TMEM232: variants seen among roughly 807,000 people sequenced by gnomAD.
The protein encoded by TMEM232 is transmembrane protein 232.
Under a neutral mutation model 78.8 loss-of-function variants are expected in TMEM232, and 80 were observed. The ratio of observed to expected loss-of-function variants is 1.01; its 90% CI spans 0.85 to 1.22. TMEM232 has a LOEUF of 1.22. Ranked by LOEUF, TMEM232 falls within the 50% of genes most tolerant of loss-of-function variation. TMEM232 has a pLI of 0.00. For missense variants in TMEM232, 881 were observed against 742.2 expected (o/e 1.19, Z -2.17); for synonymous variants, 297 against 254.3 (o/e 1.17, Z -1.60).
chr5:110,572,973 T>G (rs1777137458), intron 10 of TMEM232, among the ~76,000 whole-genome samples: 1 of 152,076 alleles, frequency 6.6e-6, no homozygotes, highest in Non-Finnish European at 1.5e-5. Flanking sequence ...TGTTCTGCTT[T>G]GCGTGACCCT....
chr5:110,528,235 T>C (rs901285573), intron 12 of TMEM232, among the ~76,000 whole-genome samples: 3 of 151,960 alleles, frequency 2.0e-5, no homozygotes, highest in African/African-American at 4.8e-5. Context: ...AACTTAGATA[T>C]GTAAAATACA....
chr5:110,478,020 A>C (rs957899875), intron 12 of TMEM232, among the ~76,000 whole-genome samples: 1 of 151,926 alleles, frequency 6.6e-6, no homozygotes. Flanking sequence ...TATAGTGGAA[A>C]GGCATTCATT....
chr5:110,556,501 C>T (rs935843733), intron 11 of TMEM232, among the ~76,000 whole-genome samples: 1 of 152,052 alleles, frequency 6.6e-6, no homozygotes, highest in Non-Finnish European at 1.5e-5. Flanking sequence ...AATCCTCCCA[C>T]CATAGCCTCC....
At chr5:110,589,718 T>C (rs1039917079) in intron 10 of TMEM232, among the ~76,000 whole-genome samples, 1 of 152,182 alleles carries the variant, frequency 6.6e-6, no homozygotes, top group African/African-American at 2.4e-5. Flanking sequence ...AAATGATGCA[T>C]GTCAAGTGCC....
At position 110,404,448 on chromosome 5, in the gene TMEM232, T is replaced by A. The variant is rs138155662; in HGVS notation, n.309-6594A>T. Among the ~76,000 whole-genome samples, 584 of 152,232 alleles carry A rather than the reference T, an allele frequency of 3.8e-3. 4 individuals carry two copies. The highest frequency in any genetic ancestry group is 0.013 in the African/African-American group (535 of 41,554). ...TTTATCTTATGTCTATCTTGCTGTCTCCTTGGTTTTAAAAACTCTACTCTG... is the reference window on the plus strand; with the variant it reads ...TTTATCTTATGTCTATCTTGCTGTCACCTTGGTTTTAAAAACTCTACTCTG... On this transcript the variant is annotated intron_variant and non_coding_transcript_variant, in intron 2 of 8. Coordinates refer to the TMEM232 transcript ENST00000507188.
intron 5 of TMEM232, among the ~76,000 whole-genome samples, chr5:110,631,068 C>A (rs1437229344): frequency 6.6e-6 from 1 of 152,080 alleles, no homozygotes; most frequent in Admixed American, 6.5e-5. Flanking sequence ...AGATAGCCTG[C>A]ATATCTCCAT....
At chr5:110,612,605 C>T (rs1782448521) in intron 8 of TMEM232, among the ~76,000 whole-genome samples, 1 of 152,100 alleles carries the variant, frequency 6.6e-6, no homozygotes, top group Admixed American at 6.6e-5. Context: ...CAGTTAATTC[C>T]TTGTTTCATT....
At chr5:110,433,988 T>C (rs992242013) in intron 12 of TMEM232, among the ~76,000 whole-genome samples, 4 of 152,022 alleles carry the variant, frequency 2.6e-5, no homozygotes, top group African/African-American at 9.7e-5. Context: ...ATGATACTAG[T>C]ATTATAGAAT....
chr5:110,548,547 A>T (rs1423740958), intron 11 of TMEM232, among the ~76,000 whole-genome samples: 1 of 151,808 alleles, frequency 6.6e-6, no homozygotes, highest in Non-Finnish European at 1.5e-5. Flanking sequence ...GCGGGGTGGA[A>T]TGGTATAATT....
chr5:110,500,458 A>T (rs1482331933), intron 12 of TMEM232, among the ~76,000 whole-genome samples: 2 of 152,126 alleles, frequency 1.3e-5, no homozygotes, highest in Non-Finnish European at 2.9e-5. Flanking sequence ...TTCAATGACC[A>T]TGAGTCAAAT....
chr5:110,726,108 T>TCATA (rs1554087764), intron 1 of TMEM232, among the ~76,000 whole-genome samples: 3 of 144,550 alleles, frequency 2.1e-5, no homozygotes, highest in African/African-American at 7.7e-5. Context: ...CCTCTCTCTT[T>TCATA]CACACACACA....
intron 12 of TMEM232, among the ~76,000 whole-genome samples, chr5:110,485,737 A>G (rs980941479): frequency 6.6e-6 from 1 of 152,086 alleles, no homozygotes; most frequent in Non-Finnish European, 1.5e-5. Context: ...GTTGGTTCCA[A>G]AATTCCAATT....
chr5:110,547,145 A>G (rs773212872), intron 11 of TMEM232, among the ~76,000 whole-genome samples: 29 of 152,168 alleles, frequency 1.9e-4, no homozygotes, highest in Admixed American at 1.0e-3. Context: ...CTTTTTACCT[A>G]TAGAGCAAAG....
Position 110,528,923 on chromosome 5 carries a change from T to C in TMEM232, c.1456-88A>G. 2.7e-6 allele frequency: 3 copies of C among 1,121,982 alleles called. No homozygotes were observed. The South Asian group carries it at 1.2e-4, about 44-fold the overall frequency. The allele number at this position is 1,121,982 out of a possible 1,614,324, so 69.5% of individuals were successfully genotyped here. A position where few individuals can be genotyped will look rare whatever the true frequency, so the allele number is the denominator to read the frequency against. ...GTATTATTAAATTTTTTAAAGTATC[T>C]TTATTTTCTTTGACTAATATTGCAT... On this transcript the variant is annotated intron_variant, in intron 11 of 13. Coordinates refer to ENST00000455884, the MANE Select transcript of TMEM232 (RefSeq NM_001039763.4).
downstream of TMEM232, among the ~76,000 whole-genome samples, chr5:110,415,204 T>C (rs1196940396): frequency 1.3e-5 from 2 of 151,784 alleles, no homozygotes; most frequent in Admixed American, 6.6e-5. Flanking sequence ...TTTTTTTTTT[T>C]TGAGATGGAG....
At chr5:110,569,873 G>C (rs574562501) in intron 10 of TMEM232, among the ~76,000 whole-genome samples, 2 of 152,000 alleles carry the variant, frequency 1.3e-5, no homozygotes, top group South Asian at 4.1e-4. Context: ...CCTGGCATCA[G>C]ACAGCTGTTG....
At chr5:110,467,053 A>AAT (rs997063460) in intron 12 of TMEM232, among the ~76,000 whole-genome samples, 1 of 152,058 alleles carries the variant, frequency 6.6e-6, no homozygotes, top group African/African-American at 2.4e-5. Context: ...TATTTTATGA[A>AAT]ATATATATAT....
intron 1 of TMEM232, among the ~76,000 whole-genome samples, chr5:110,681,256 G>T (rs759702244): frequency 1.6e-4 from 24 of 152,150 alleles, no homozygotes; most frequent in Non-Finnish European, 3.2e-4. Flanking sequence ...AGTGATGCCT[G>T]CAAGGATTAA....
intron 10 of TMEM232, among the ~76,000 whole-genome samples, chr5:110,577,811 G>A (rs1448829407): frequency 6.6e-6 from 1 of 152,008 alleles, no homozygotes; most frequent in Non-Finnish European, 1.5e-5. Context: ...ATAAGTGGGA[G>A]CTAAATGATG....
Sources: gnomAD v4.1 joint callset for allele counts (sites outside exome capture counted in the v4.1 genomes callset) on GRCh38, gnomAD v4.1.1 for gene constraint, MANE v1.5 for transcripts, NCBI Gene and HGNC (gene_info 2026-07-23, HGNC 2026-07-21) for gene names.